The following ARMC3 variants were observed in gnomAD, a reference collection of about 807,000 sequenced individuals.
ARMC3 encodes armadillo repeat containing 3.
In ARMC3, 74 loss-of-function variants were observed where a neutral mutation model predicts 90.3. That is an observed-to-expected ratio of 0.82 (90% CI 0.68 to 0.99). ARMC3 has a LOEUF of 0.99. Ranked by LOEUF, ARMC3 falls within the 50% of genes least tolerant of loss-of-function variation. ARMC3 has a pLI of 0.00. For missense variants in ARMC3, 958 were observed against 1,042.8 expected (o/e 0.92, Z 1.12); for synonymous variants, 334 against 361.8 (o/e 0.92, Z 0.87).
chr10:22,951,573 T>C (rs1365823677), intron 3 of ARMC3, among the ~76,000 whole-genome samples: 1 of 152,212 alleles, frequency 6.6e-6, no homozygotes, highest in Non-Finnish European at 1.5e-5. Flanking sequence ...AAATGTATTT[T>C]CATACCACCA....
intron 16 of ARMC3, among the ~76,000 whole-genome samples, chr10:23,027,300 T>C (rs1838748010): frequency 6.6e-6 from 1 of 152,214 alleles, no homozygotes; most frequent in Non-Finnish European, 1.5e-5. Flanking sequence ...ATTGCTTTCC[T>C]TAGCATTTTT....
chr10:23,013,830 G>C (rs1838137971), intron 16 of ARMC3, among the ~76,000 whole-genome samples: 1 of 150,138 alleles, frequency 6.7e-6, no homozygotes, highest in African/African-American at 2.5e-5. Flanking sequence ...ACTGAACAAT[G>C]AGCTGTTTGA....
chr10:23,030,991 A>T lies in ARMC3; in HGVS notation c.2246+195A>T, dbSNP rs1011271046. ...GTCATACGTTCACTAAGAATCAGAG[A>T]TAGCAGCTGGAAATTGCTTCAAGAA... On this transcript the variant is annotated intron_variant, in intron 17 of 18. Coordinates refer to ENST00000298032, the MANE Select transcript of ARMC3 (RefSeq NM_173081.5). 8 of 555,080 alleles carry T rather than the reference A, an allele frequency of 1.4e-5. No individual in the cohort carries two copies. In the Admixed American group the frequency reaches 2.8e-4, roughly 20 times the overall value. The allele number at this position is 555,080 out of a possible 1,614,324, so 34.4% of individuals were successfully genotyped here.
rs553942674 is a variant in ARMC3, at chr10:23,030,395, T to G, written c.2046-201T>G. On this transcript the variant is annotated intron_variant, in intron 16 of 18. Coordinates refer to ENST00000298032, the MANE Select transcript of ARMC3 (RefSeq NM_173081.5). Reference sequence around the variant, plus strand: ...TTTTCAGTCACATTTGGTTGTGGAATGCGGAACCCATGGATAAGAAGGGCC... The same window carrying G: ...TTTTCAGTCACATTTGGTTGTGGAAGGCGGAACCCATGGATAAGAAGGGCC... Among the ~76,000 whole-genome samples the G allele has an allele frequency of 2.3e-4, 35 of 152,234 alleles. 1 individual carries two copies. The South Asian group carries it at 7.3e-3, about 32-fold the overall frequency.
At chr10:23,005,178 A>G (rs368623832) in intron 13 of ARMC3, among the ~76,000 whole-genome samples, 2 of 136,926 alleles carry the variant, frequency 1.5e-5, no homozygotes, top group East Asian at 2.2e-4. Flanking sequence ...ATACCACTGC[A>G]CTCCAGCCTG....
At position 22,964,413 on chromosome 10, in the gene ARMC3, C is replaced by T. The variant is rs189520636; in HGVS notation, c.732+2335C>T. 1.6e-3 allele frequency among the ~76,000 whole-genome samples: 245 copies of T among 151,420 alleles called. 1 individual carries two copies. Among genetic ancestry groups the T allele is most frequent in the African/African-American group, 5.7e-3 (237 of 41,288 alleles). The stretch of plus-strand genomic sequence containing the variant: ...GTCTGATCTGTTTTATTCCACAGTT[C>T]CTCTCTTCCTGCCTTTTGTAGTGTT... On this transcript the variant is annotated intron_variant, in intron 7 of 18. Coordinates refer to ENST00000298032, the MANE Select transcript of ARMC3 (RefSeq NM_173081.5).
chr10:22,962,559 A>G (rs1272042855), intron 7 of ARMC3, among the ~76,000 whole-genome samples: 1 of 152,242 alleles, frequency 6.6e-6, no homozygotes. Context: ...TGAGTGGTTC[A>G]GATCTCTTCT....
At chr10:22,942,609 G>A (rs2131170313) in intron 2 of ARMC3, among the ~76,000 whole-genome samples, 1 of 152,248 alleles carries the variant, frequency 6.6e-6, no homozygotes, top group East Asian at 1.9e-4. Context: ...AGGATGTAGA[G>A]CAAGTGGAAC....
intron 18 of ARMC3, among the ~76,000 whole-genome samples, chr10:23,033,862 TG>T (rs1416207959): frequency 6.6e-6 from 1 of 151,998 alleles, no homozygotes; most frequent in Non-Finnish European, 1.5e-5. Flanking sequence ...GGGCTTTGAG[TG>T]GGGCAGCTGG....
chr10:22,962,693 G>A (rs916578473), intron 7 of ARMC3, among the ~76,000 whole-genome samples: 8 of 152,160 alleles, frequency 5.3e-5, no homozygotes, highest in Admixed American at 2.6e-4. Flanking sequence ...AAATCTACTT[G>A]AAGTACCTCT....
intron 1 of ARMC3, among the ~76,000 whole-genome samples, chr10:22,931,178 C>T (rs867545187): frequency 2.0e-5 from 3 of 152,168 alleles, no homozygotes; most frequent in African/African-American, 7.2e-5. Flanking sequence ...TCGCCCACCT[C>T]GGCCTCCCAA....
At position 22,980,032 on chromosome 10, in the gene ARMC3, TGA is replaced by T. The variant is rs1265510112; in HGVS notation, c.917-1306_917-1305del. ...TTCTGCGAAAAAGGACGATTTTTTT[TGA>T]GTCATCGTTGAAGGAAGGGAGAAAT... On this transcript the variant is annotated intron_variant, in intron 8 of 18. Transcript: ENST00000298032. 5.9e-5 allele frequency among the ~76,000 whole-genome samples: 9 copies of T among 152,280 alleles called. No homozygotes were observed. In the South Asian group the frequency reaches 1.7e-3, roughly 28 times the overall value.
chr10:22,944,798 G>A (rs896225742), intron 2 of ARMC3, among the ~76,000 whole-genome samples: 1 of 152,154 alleles, frequency 6.6e-6, no homozygotes, highest in Non-Finnish European at 1.5e-5. Context: ...CATGATTAGT[G>A]TTGCAGCCAG....
chr10:23,034,348 C>T (rs996476317), intron 18 of ARMC3, among the ~76,000 whole-genome samples: 3 of 152,134 alleles, frequency 2.0e-5, no homozygotes, highest in African/African-American at 4.8e-5. Flanking sequence ...ATCCTATTAC[C>T]ATGACTAACA....
At chr10:23,014,108 C>T (rs576767583) in intron 16 of ARMC3, 27 of 1,550,160 alleles carry the variant, frequency 1.7e-5, no homozygotes, top group Non-Finnish European at 2.3e-5. Flanking sequence ...AGCTCACTCC[C>T]CACTTCAAGA....
chr10:22,984,459 C>CT (rs1836320536), intron 10 of ARMC3, among the ~76,000 whole-genome samples: 1 of 151,836 alleles, frequency 6.6e-6, no homozygotes, highest in African/African-American at 2.4e-5. Context: ...CTAACAAATG[C>CT]TTTTTTTAAT....
chr10:23,016,017 ACAAT>A (rs1293845909), intron 16 of ARMC3, among the ~76,000 whole-genome samples: 1 of 152,202 alleles, frequency 6.6e-6, no homozygotes, highest in Non-Finnish European at 1.5e-5. Flanking sequence ...ACACACTCAC[ACAAT>A]CAGACACTAC....
intron 4 of ARMC3, among the ~76,000 whole-genome samples, chr10:22,958,500 G>A (rs76496308): frequency 6.6e-6 from 1 of 151,998 alleles, no homozygotes; most frequent in African/African-American, 2.4e-5. Flanking sequence ...TGTGTTCTAG[G>A]CACACTTTGC....
intron 16 of ARMC3, among the ~76,000 whole-genome samples, chr10:23,012,351 A>G (rs1838053389): frequency 6.6e-6 from 1 of 152,052 alleles, no homozygotes; most frequent in African/African-American, 2.4e-5. Context: ...CCTTGGTGCT[A>G]TCTTCTCATC....
Sources: allele counts gnomAD v4.1 joint callset (sites outside exome capture counted in the v4.1 genomes callset), GRCh38; gene constraint gnomAD v4.1.1; transcripts MANE v1.5; gene names NCBI Gene and HGNC (gene_info 2026-07-23, HGNC 2026-07-21).